PDE3A: variants seen among roughly 807,000 people sequenced by gnomAD.
The protein encoded by PDE3A is cGMP-inhibited 3',5'-cyclic phosphodiesterase 3A.
Under a neutral mutation model 98.3 loss-of-function variants are expected in PDE3A, and 43 were observed. The observed-to-expected ratio is 0.44, with a 90% confidence interval of 0.34 to 0.56. The LOEUF is 0.56. Among genes scored for constraint, PDE3A ranks in the 20% least tolerant of loss-of-function variants. PDE3A has a pLI of 0.01. For synonymous variants in PDE3A, 663 were observed against 567.9 expected, an observed-to-expected ratio of 1.17 and a Z score of -2.38; for missense variants, 1,427 against 1,440.7, an observed-to-expected ratio of 0.99 and a Z score of 0.15.
intron 2 of PDE3A, among the ~76,000 whole-genome samples, chr12:20,578,095 A>G (rs767823820): frequency 7.2e-5 from 11 of 152,204 alleles, no homozygotes; most frequent in Non-Finnish European, 1.3e-4. Context: ...TCACTTATGC[A>G]TTAGGTTTCA....
At chr12:20,582,203 GTTA>G (rs1943084172) in intron 2 of PDE3A, among the ~76,000 whole-genome samples, 2 of 28,320 alleles carry the variant, frequency 7.1e-5, no homozygotes, top group African/African-American at 2.7e-4. Flanking sequence ...TATTATCGTT[GTTA>G]TTATTGAGAC....
At position 20,527,091 on chromosome 12, in the gene PDE3A, G is replaced by C. The variant is rs181326799; in HGVS notation, c.961-29569G>C. Among the ~76,000 whole-genome samples the C allele has an allele frequency of 4.2e-3, 633 of 152,048 alleles. 5 individuals carry two copies. Among genetic ancestry groups the C allele is most frequent in the African/African-American group, 0.015 (609 of 41,506 alleles). On this transcript the variant is annotated intron_variant, in intron 1 of 15. Coordinates refer to ENST00000359062, the MANE Select transcript of PDE3A (RefSeq NM_000921.5). ...CTGCTGCCATGCCCGGCTGATTTTTGTATTTTTAGTAAAGAGGGGGTTTCA... is the reference window on the plus strand; with the variant it reads ...CTGCTGCCATGCCCGGCTGATTTTTCTATTTTTAGTAAAGAGGGGGTTTCA...
chr12:20,450,988 A>C (rs1945054076), intron 1 of PDE3A, among the ~76,000 whole-genome samples: 1 of 152,250 alleles, frequency 6.6e-6, no homozygotes, highest in Non-Finnish European at 1.5e-5. Flanking sequence ...AAGGTGAACA[A>C]GTAAAAAAGC....
rs1202365789 is a variant in PDE3A, at chr12:20,687,439, A to C, written c.*7168A>C. On this transcript the variant is annotated 3_prime_UTR_variant, in exon 16 of 16. Coordinates refer to ENST00000359062, the MANE Select transcript of PDE3A (RefSeq NM_000921.5). ...TGTTCATCAGCTTAAAAAATCACTA[A>C]ATTTTTTATACTCTGTAAAATATTT... is the stretch of plus-strand genomic sequence containing the variant. Among the ~76,000 whole-genome samples the C allele has an allele frequency of 6.6e-6, 1 of 152,030 alleles. No individual in the cohort carries two copies. The highest frequency in any genetic ancestry group is 1.5e-5 in the Non-Finnish European group (1 of 67,958).
intron 2 of PDE3A, among the ~76,000 whole-genome samples, chr12:20,564,442 C>T (rs1295315792): frequency 6.6e-6 from 1 of 152,078 alleles, no homozygotes; most frequent in South Asian, 2.1e-4. Context: ...TTAAGTCTAT[C>T]GAATAGAAAT....
chr12:20,610,373 T>G (rs1403615629), intron 2 of PDE3A, among the ~76,000 whole-genome samples: 4 of 151,962 alleles, frequency 2.6e-5, no homozygotes, highest in Non-Finnish European at 5.9e-5. Context: ...TTAGGATGGC[T>G]ATTATTAAAA....
rs1250689500 is a variant in PDE3A, at chr12:20,614,997, T to C, written c.1270-1233T>C. 2.2e-3 allele frequency among the ~76,000 whole-genome samples: 11 copies of C among 5,056 alleles called. No individual in the cohort carries two copies. In the South Asian group the frequency reaches 0.1, roughly 46 times the overall value. 3.3% of individuals were successfully genotyped at this position (5,056 alleles called of 152,430 possible). Reference sequence around the variant, plus strand: ...TCGGTTTAACTTTTTCTTTTCTTTTTTTCTTTCTTTCTCTCTTTCTTTTTT... The same window carrying C: ...TCGGTTTAACTTTTTCTTTTCTTTTCTTCTTTCTTTCTCTCTTTCTTTTTT... On this transcript the variant is annotated intron_variant, in intron 3 of 15. Transcript: ENST00000359062.
chr12:20,554,175 A>G (rs1238633366), intron 1 of PDE3A, among the ~76,000 whole-genome samples: 1 of 151,458 alleles, frequency 6.6e-6, no homozygotes, highest in South Asian at 2.1e-4. Context: ...TAAAACAGGG[A>G]TATTTTAAAT....
rs540642718 is a variant in PDE3A, at chr12:20,669,972, A to G, written c.3185-10058A>G. On this transcript the variant is annotated intron_variant, in intron 15 of 15. Coordinates refer to ENST00000359062, the MANE Select transcript of PDE3A (RefSeq NM_000921.5). Reference sequence around the variant, plus strand: ...GGAAACCCATCTCACGTGCAGACACACATAGGCTCAAAATAAAAGGATGGA... The same window carrying G: ...GGAAACCCATCTCACGTGCAGACACGCATAGGCTCAAAATAAAAGGATGGA... 4.3e-4 allele frequency among the ~76,000 whole-genome samples: 65 copies of G among 152,190 alleles called. 2 individuals carry two copies. The South Asian group carries it at 8.1e-3, about 19-fold the overall frequency.
chr12:20,461,544 T>C (rs1344918804), intron 1 of PDE3A, among the ~76,000 whole-genome samples: 2 of 152,198 alleles, frequency 1.3e-5, no homozygotes. Flanking sequence ...ATCTTTTTCT[T>C]CTTTAATTTT....
At chr12:20,484,742 G>T (rs1945695180) in intron 1 of PDE3A, among the ~76,000 whole-genome samples, 1 of 152,186 alleles carries the variant, frequency 6.6e-6, no homozygotes, top group Non-Finnish European at 1.5e-5. Context: ...AAGTATGGCT[G>T]TAAAGGGTGA....
intron 10 of PDE3A, among the ~76,000 whole-genome samples, chr12:20,644,478 A>G (rs917701409): frequency 2.6e-5 from 4 of 152,200 alleles, no homozygotes; most frequent in African/African-American, 2.4e-5. Flanking sequence ...TTTTAAGATA[A>G]GGAAGTGGAT....
intron 1 of PDE3A, among the ~76,000 whole-genome samples, chr12:20,435,769 G>C (rs1414883217): frequency 6.6e-6 from 1 of 152,142 alleles, no homozygotes; most frequent in Admixed American, 6.6e-5. Context: ...CTGTCATACA[G>C]GCACAAAGCT....
chr12:20,501,127 A>G (rs1946017006), intron 1 of PDE3A, among the ~76,000 whole-genome samples: 1 of 152,210 alleles, frequency 6.6e-6, no homozygotes, highest in African/African-American at 2.4e-5. Flanking sequence ...CAAGAAAATA[A>G]CGTACTAATG....
At position 20,680,191 on chromosome 12, in the gene PDE3A, A is replaced by G. The variant is rs747036049; in HGVS notation, c.3346A>G (p.Ile1116Val). 27 of 1,613,844 alleles carry G rather than the reference A, an allele frequency of 1.7e-5. No homozygotes were observed. The highest frequency in any genetic ancestry group is 2.3e-5 in the Non-Finnish European group (27 of 1,179,810). The change falls in exon 16 of 16, where the codon ATC (isoleucine) becomes GTC (valine). Residue 1116 changes from isoleucine (I) to valine (V), a missense_variant. Physicochemically the swap from Ile to Val is conservative, Grantham distance 29. Coordinates refer to ENST00000359062, the MANE Select transcript of PDE3A (RefSeq NM_000921.5). ...QTPQSHSSEQIQAIKEEEEEK... is the reference protein window; with the variant it reads ...QTPQSHSSEQVQAIKEEEEEK... ...CCCTCAGTCGCACTCTTCAGAACAG[A>G]TCCAGGCTATCAAGGAAGAAGAAGA... is the stretch of plus-strand genomic sequence containing the variant.
chr12:20,516,385 C>G (rs1228550272), intron 1 of PDE3A, among the ~76,000 whole-genome samples: 1 of 152,092 alleles, frequency 6.6e-6, no homozygotes, highest in Non-Finnish European at 1.5e-5. Context: ...AATAGATTTG[C>G]TTGATTTGTA....
intron 1 of PDE3A, among the ~76,000 whole-genome samples, chr12:20,522,964 T>C (rs1189443446): frequency 6.6e-6 from 1 of 151,864 alleles, no homozygotes; most frequent in Non-Finnish European, 1.5e-5. Context: ...GTCATGGTCA[T>C]ATAAATGGTA....
chr12:20,472,925 T>G (rs750093364), intron 1 of PDE3A, among the ~76,000 whole-genome samples: 1 of 152,186 alleles, frequency 6.6e-6, no homozygotes, highest in Non-Finnish European at 1.5e-5. Context: ...TTCACCATCA[T>G]GGTAAATCTT....
chr12:20,422,293 A>C (rs546241239), intron 1 of PDE3A, among the ~76,000 whole-genome samples: 1 of 152,026 alleles, frequency 6.6e-6, no homozygotes, highest in Non-Finnish European at 1.5e-5. Context: ...GCAGTGAGCC[A>C]AGATCGCACC....
Sources: allele counts gnomAD v4.1 joint callset (sites outside exome capture counted in the v4.1 genomes callset), GRCh38; gene constraint gnomAD v4.1.1; transcripts MANE v1.5; gene names NCBI Gene and HGNC (gene_info 2026-07-23, HGNC 2026-07-21).